IL7: variants seen among roughly 807,000 people sequenced by gnomAD.
The protein encoded by IL7 is interleukin-7.
In IL7, 3 loss-of-function variants were observed where a neutral mutation model predicts 21.6. The ratio of observed to expected loss-of-function variants is 0.14; its 90% CI spans 0.06 to 0.36. The LOEUF is 0.36. Among genes scored for constraint, IL7 ranks in the 10% least tolerant of loss-of-function variants. IL7 has a pLI of 1.00. For synonymous variants in IL7, 62 were observed against 68.1 expected (o/e 0.91, Z 0.44); for missense variants, 175 against 200.2 (o/e 0.87, Z 0.76).
At chr8:78,706,568 C>T (rs1404104363) in intron 3 of IL7, among the ~76,000 whole-genome samples, 1 of 152,082 alleles carries the variant, frequency 6.6e-6, no homozygotes, top group Non-Finnish European at 1.5e-5. Context: ...GTTCACCTTG[C>T]TCTGTGTCGC....
intron 1 of IL7, 21 bp downstream of exon 1, chr8:78,804,892 G>C (rs375683576): frequency 6.2e-7 from 1 of 1,612,796 alleles, no homozygotes; most frequent in Non-Finnish European, 8.5e-7. Context: ...GAACTTGTGC[G>C]CAAGGGAGAA....
intron 2 of IL7, among the ~76,000 whole-genome samples, chr8:78,784,357 G>A (rs1813440982): frequency 6.6e-6 from 1 of 152,126 alleles, no homozygotes; most frequent in African/African-American, 2.4e-5. Flanking sequence ...CTCCAGAACT[G>A]TGAGGAATAA....
intron 2 of IL7, among the ~76,000 whole-genome samples, chr8:78,750,400 C>G (rs1243041279): frequency 6.6e-6 from 1 of 151,134 alleles, no homozygotes; most frequent in African/African-American, 2.4e-5. Flanking sequence ...TTATAATCAG[C>G]TATGAAAAAA....
At chr8:78,718,742 T>C (rs1309185520) in intron 6 of IL7, 2 of 151,890 alleles carry the variant, frequency 1.3e-5, no homozygotes, top group African/African-American at 4.8e-5. Context: ...TCACTTTCAG[T>C]ATATCATAGT....
At chr8:78,701,342 T>C (rs1028463543) in intron 3 of IL7, among the ~76,000 whole-genome samples, 1 of 152,182 alleles carries the variant, frequency 6.6e-6, no homozygotes, top group Non-Finnish European at 1.5e-5. Flanking sequence ...ACATTGATTT[T>C]AGAATCCTGA....
rs1288363629 is a variant in IL7, at chr8:78,775,316, G to C, written c.147+22756C>G. On this transcript the variant is annotated intron_variant, in intron 2 of 5. Transcript: ENST00000263851. ...CCTGACGGCATATTCACCTGTACTTGGTACAGTGCCATACGTCACAAAATT... is the reference window on the plus strand; with the variant it reads ...CCTGACGGCATATTCACCTGTACTTCGTACAGTGCCATACGTCACAAAATT... Among the ~76,000 whole-genome samples, 6 of 151,990 alleles carry C rather than the reference G, an allele frequency of 3.9e-5. No individual in the cohort carries two copies. In the South Asian group the frequency reaches 6.2e-4, roughly 16 times the overall value.
intron 2 of IL7, among the ~76,000 whole-genome samples, chr8:78,782,358 G>T (rs1394579962): frequency 6.6e-6 from 1 of 152,130 alleles, no homozygotes; most frequent in Admixed American, 6.5e-5. Flanking sequence ...ATCTACCTTT[G>T]ATCTTTGAGG....
At chr8:78,745,711 T>A (rs996754217) in intron 2 of IL7, among the ~76,000 whole-genome samples, 3 of 152,238 alleles carry the variant, frequency 2.0e-5, no homozygotes, top group Admixed American at 6.5e-5. Context: ...GTATTTAACA[T>A]CTAAACTCAA....
At chr8:78,691,638 A>T (rs573975779) in intron 3 of IL7, among the ~76,000 whole-genome samples, 1 of 152,090 alleles carries the variant, frequency 6.6e-6, no homozygotes, top group Admixed American at 6.6e-5. Context: ...TTTTTTTAAA[A>T]ATTCACCATT....
chr8:78,719,988 T>C (rs1231237169), intron 5 of IL7, among the ~76,000 whole-genome samples: 1 of 151,824 alleles, frequency 6.6e-6, no homozygotes, highest in Non-Finnish European at 1.5e-5. Flanking sequence ...TTACAAGTTT[T>C]TTAAGGCATT....
chr8:78,743,958 A>C (rs1811885792), intron 2 of IL7, among the ~76,000 whole-genome samples: 1 of 152,182 alleles, frequency 6.6e-6, no homozygotes, highest in Non-Finnish European at 1.5e-5. Flanking sequence ...CACTTCTTCT[A>C]AGAGCTCTGG....
intron 4 of IL7, among the ~76,000 whole-genome samples, chr8:78,685,359 T>TTC (rs1197585059): frequency 6.6e-6 from 1 of 152,188 alleles, no homozygotes; most frequent in African/African-American, 2.4e-5. Context: ...AACTGGAAGT[T>TTC]GTAGAAGGAA....
chr8:78,791,365 C>T (rs1813687899), intron 2 of IL7, among the ~76,000 whole-genome samples: 1 of 152,166 alleles, frequency 6.6e-6, no homozygotes, highest in Non-Finnish European at 1.5e-5. Context: ...TTAGGCCAAG[C>T]ACAGTGACTC....
intron 3 of IL7, chr8:78,689,517 G>T: frequency 1.4e-6 from 1 of 722,840 alleles, no homozygotes; most frequent in Non-Finnish European, 2.0e-6. Context: ...TATAAAAGTT[G>T]TATGCTTTTA....
chr8:78,761,078 C>T, intron 2 of IL7: 10 of 1,607,776 alleles, frequency 6.2e-6, no homozygotes, highest in Non-Finnish European at 7.6e-6. Context: ...ACTATTTATA[C>T]CATCTAAACA....
chr8:78,799,871 T>C (rs1384167346), intron 1 of IL7, among the ~76,000 whole-genome samples: 1 of 152,096 alleles, frequency 6.6e-6, no homozygotes, highest in Non-Finnish European at 1.5e-5. Context: ...CTAAAGATCC[T>C]CAGTGATCAA....
At position 78,805,096 on chromosome 8, in the gene IL7, C is replaced by T; in HGVS notation, c.-174G>A. 1 of 623,952 alleles carries T rather than the reference C, an allele frequency of 1.6e-6. No homozygotes were observed. Among genetic ancestry groups the T allele is most frequent in the Non-Finnish European group, 2.8e-6 (1 of 356,928 alleles). The allele number at this position is 623,952 out of a possible 1,614,324, so 38.7% of individuals were successfully genotyped here. On this transcript the variant is annotated 5_prime_UTR_variant, in exon 1 of 6. The change abolishes an upstream ATG in the 5' untranslated region. Transcript: ENST00000263851. ...CCCACGCCGCGACTGCAGTTTCATC[C>T]ATCCCAAGGGGGGCGGCACACACTA...
chr8:78,754,461 T>A (rs1196521307), intron 2 of IL7, among the ~76,000 whole-genome samples: 1 of 152,186 alleles, frequency 6.6e-6, no homozygotes, highest in African/African-American at 2.4e-5. Context: ...ATGGCCATAC[T>A]GCCCAAAGCA....
chr8:78,798,133 A>C lies in IL7; in HGVS notation c.86T>G (p.Ile29Ser). The change falls in exon 2 of 6, where the codon ATT (isoleucine) becomes AGT (serine). Residue 29 changes from isoleucine (I) to serine (S), a missense_variant. Coordinates refer to ENST00000263851, the MANE Select transcript of IL7 (RefSeq NM_000880.4). ...ATATTGTTTGCCATCTTTACCTTCA[A>C]TATCACAATCAGATGATGCTACTGG... ...LLPVASSDCD[I>S]EGKDGKQYES... 6.2e-7 allele frequency: 1 copy of C among 1,611,534 alleles called. No individual in the cohort carries two copies. The highest frequency in any genetic ancestry group is 8.5e-7 in the Non-Finnish European group (1 of 1,177,934).
Sources: allele counts gnomAD v4.1 joint callset (sites outside exome capture counted in the v4.1 genomes callset), GRCh38; gene constraint gnomAD v4.1.1; transcripts MANE v1.5; gene names NCBI Gene and HGNC (gene_info 2026-07-23, HGNC 2026-07-21).